The following METAP2 variants were observed in gnomAD, a reference collection of about 807,000 sequenced individuals.
The protein encoded by METAP2 is methionyl aminopeptidase 2.
METAP2 carries 25 observed loss-of-function variants against 59.4 expected under a neutral mutation model. The ratio of observed to expected loss-of-function variants is 0.42; its 90% CI spans 0.31 to 0.59. METAP2 has a LOEUF of 0.59. Ranked by LOEUF, METAP2 falls within the 20% of genes least tolerant of loss-of-function variation. The probability of loss-of-function intolerance (pLI) is 0.16; values close to 1 mark genes in which losing one functional copy is unlikely to be tolerated. For missense variants in METAP2, 366 were observed against 581.2 expected (o/e 0.63, Z 3.81); for synonymous variants, 214 against 194.1 (o/e 1.10, Z -0.85).
intron 6 of METAP2, 54 bp from the exon 7 acceptor site, chr12:95,495,950 T>C: frequency 9.5e-7 from 1 of 1,057,130 alleles, no homozygotes; most frequent in African/African-American, 1.6e-5. Flanking sequence ...TGCTGTAAAG[T>C]AGATAAATTG....
chr12:95,502,907 AG>A (rs2076327131), intron 7 of METAP2, among the ~76,000 whole-genome samples: 1 of 145,006 alleles, frequency 6.9e-6, no homozygotes, highest in African/African-American at 2.5e-5. Context: ...TTTTTCTTTT[AG>A]GTTTTCTATT....
intron 8 of METAP2, among the ~76,000 whole-genome samples, chr12:95,506,854 A>G (rs2076364975): frequency 6.7e-6 from 1 of 149,212 alleles, no homozygotes; most frequent in Admixed American, 6.7e-5. Context: ...TCGTTCTGTC[A>G]CCCAGGCTGG....
At chr12:95,490,346 C>G (rs952113476) in intron 4 of METAP2, among the ~76,000 whole-genome samples, 8 of 143,042 alleles carry the variant, frequency 5.6e-5, no homozygotes, top group African/African-American at 2.1e-4. Flanking sequence ...AATGTATATA[C>G]AGTATCCTTT....
At chr12:95,512,428 C>CA (rs2076409973) in intron 9 of METAP2, among the ~76,000 whole-genome samples, 1 of 152,150 alleles carries the variant, frequency 6.6e-6, no homozygotes, top group Non-Finnish European at 1.5e-5. Flanking sequence ...AATTGTAGGC[C>CA]AGGCTCGGTA....
Position 95,504,063 on chromosome 12 carries a change from A to T in METAP2, c.868-2A>T. 6.2e-7 allele frequency: 1 copy of T among 1,606,796 alleles called. No individual in the cohort carries two copies. Among genetic ancestry groups the T allele is most frequent in the Non-Finnish European group, 8.5e-7 (1 of 1,177,060 alleles). On this transcript the variant is annotated splice_acceptor_variant, in intron 7 of 10. Transcript: ENST00000323666. LOFTEE classifies it high-confidence loss of function. ...ATAAAGCATATGTTACTCTTTTTTT[A>T]GTGTGCTGGAATTGATGTTCGTCTG... is the stretch of plus-strand genomic sequence containing the variant.
chr12:95,502,753 A>G (rs1440146748), intron 7 of METAP2, among the ~76,000 whole-genome samples: 1 of 151,774 alleles, frequency 6.6e-6, no homozygotes, highest in Non-Finnish European at 1.5e-5. Context: ...GTTCACTTTA[A>G]TCTTTTTTAT....
At chr12:95,480,195 T>C (rs866800795) in intron 2 of METAP2, among the ~76,000 whole-genome samples, 36 of 152,352 alleles carry the variant, frequency 2.4e-4, no homozygotes, top group African/African-American at 8.7e-4. Flanking sequence ...ATAATACTTT[T>C]GACAGTCATC....
chr12:95,513,843 A>C lies in METAP2; in HGVS notation c.1376A>C (p.Glu459Ala). The stretch of plus-strand genomic sequence containing the variant: ...AAAGGATCATATACAGCGCAATTTG[A>C]ACATACCATCCTGTTGCGTCCAACA... ...DIKGSYTAQF[E>A]HTILLRPTCK... is the part of the protein sequence containing the mutation. The change falls in exon 11 of 11, where the codon GAA (glutamate) becomes GCA (alanine). Residue 459 changes from glutamate to alanine, a missense_variant. Glu to Ala is a moderately radical substitution (Grantham distance 107). Around this residue, in one of 4 missense-constraint regions of METAP2, gnomAD observed 82 missense variants for 156.2 expected, o/e 0.52. Coordinates refer to ENST00000323666, the MANE Select transcript of METAP2 (RefSeq NM_006838.4). 1.2e-6 allele frequency: 2 copies of C among 1,614,206 alleles called. No individual in the cohort carries two copies. The highest frequency in any genetic ancestry group is 1.7e-6 in the Non-Finnish European group (2 of 1,180,034).
At chr12:95,513,090 TACACACACACACACACACACAC>T (rs60788079) in intron 10 of METAP2, among the ~76,000 whole-genome samples, 174 bp downstream of exon 10, 3 of 136,092 alleles carry the variant, frequency 2.2e-5, no homozygotes, top group Non-Finnish European at 3.2e-5. Flanking sequence ...AGATAAAAAT[TACACACACACACACACACACAC>T]ACACACACAC....
intron 8 of METAP2, among the ~76,000 whole-genome samples, chr12:95,509,369 G>A (rs2076384668): frequency 6.6e-6 from 1 of 152,180 alleles, no homozygotes; most frequent in African/African-American, 2.4e-5. Context: ...GTAAACTTGT[G>A]CATATTCAGG....
At chr12:95,477,681 C>G (rs188060746) in intron 2 of METAP2, among the ~76,000 whole-genome samples, 4 of 152,170 alleles carry the variant, frequency 2.6e-5, no homozygotes, top group African/African-American at 7.2e-5. Flanking sequence ...TCTGCTCCCC[C>G]TCAAGCACCA....
At chr12:95,493,001 T>A (rs1440190870) in intron 4 of METAP2, among the ~76,000 whole-genome samples, 1 of 152,252 alleles carries the variant, frequency 6.6e-6, no homozygotes, top group Non-Finnish European at 1.5e-5. Flanking sequence ...AAATAGCAAT[T>A]CCTTGAAGGT....
chr12:95,475,776 T>C (rs2076113807), intron 1 of METAP2, among the ~76,000 whole-genome samples: 1 of 152,224 alleles, frequency 6.6e-6, no homozygotes, highest in Non-Finnish European at 1.5e-5. Flanking sequence ...TTAAGTCTAA[T>C]TGCTGACCAC....
At chr12:95,511,828 A>T in intron 8 of METAP2, 67 bp from the exon 9 acceptor site, 2 of 1,111,458 alleles carry the variant, frequency 1.8e-6, no homozygotes, top group Non-Finnish European at 2.6e-6. Flanking sequence ...CTGTACCAAA[A>T]TGTAAGAGAT....
chr12:95,489,950 T>C (rs2076224927), intron 4 of METAP2, among the ~76,000 whole-genome samples: 1 of 152,226 alleles, frequency 6.6e-6, no homozygotes, highest in South Asian at 2.1e-4. Flanking sequence ...TCCTTTGTTT[T>C]GCCACATTTG....
intron 2 of METAP2, among the ~76,000 whole-genome samples, chr12:95,482,888 C>A (rs914962238): frequency 3.3e-5 from 5 of 152,152 alleles, no homozygotes; most frequent in Non-Finnish European, 7.4e-5. Flanking sequence ...GATCACGTTA[C>A]CTCCCACTTT....
chr12:95,501,995 A>T (rs1308039562), intron 7 of METAP2, among the ~76,000 whole-genome samples: 12 of 131,148 alleles, frequency 9.1e-5, no homozygotes, highest in South Asian at 2.5e-4. Context: ...TTTTAATATA[A>T]TTTTTTTTTT....
chr12:95,493,361 A>G (rs2076253586), intron 4 of METAP2, among the ~76,000 whole-genome samples: 1 of 152,186 alleles, frequency 6.6e-6, no homozygotes, highest in Non-Finnish European at 1.5e-5. Context: ...ATGCACCTGT[A>G]TACTCCCAGC....
At chr12:95,498,615 T>TA (rs1377063948) in intron 7 of METAP2, among the ~76,000 whole-genome samples, 1 of 152,176 alleles carries the variant, frequency 6.6e-6, no homozygotes, top group Admixed American at 6.5e-5. Context: ...TATATGGTGT[T>TA]AAGTAAGGGT....
Sources: gnomAD v4.1 joint callset for allele counts (sites outside exome capture counted in the v4.1 genomes callset) on GRCh38, gnomAD v4.1.1 for gene constraint, gnomAD v4.1.1 regional missense constraint, MANE v1.5 for transcripts, NCBI Gene and HGNC (gene_info 2026-07-23, HGNC 2026-07-21) for gene names.